Variants in LMBR1 observed in about 807,000 individuals in gnomAD.
LMBR1 encodes limb region 1 protein homolog.
LMBR1 carries 52 observed loss-of-function variants against 73.9 expected under a neutral mutation model. The ratio of observed to expected loss-of-function variants is 0.70; its 90% CI spans 0.56 to 0.89. The LOEUF is 0.89. Among genes scored for constraint, LMBR1 ranks in the 40% least tolerant of loss-of-function variants. The pLI is 0.00. For synonymous variants in LMBR1, 215 were observed against 209.4 expected (o/e 1.03, Z -0.23); for missense variants, 539 against 579.8 (o/e 0.93, Z 0.72).
intron 15 of LMBR1, among the ~76,000 whole-genome samples, chr7:156,709,116 G>A (rs1335327150): frequency 6.6e-6 from 1 of 152,092 alleles, no homozygotes; most frequent in African/African-American, 2.4e-5. Flanking sequence ...ATAAAGTCTA[G>A]GGAGCTTTAT....
chr7:156,711,852 A>T (rs1236226090), intron 15 of LMBR1, among the ~76,000 whole-genome samples: 1 of 152,198 alleles, frequency 6.6e-6, no homozygotes, highest in Non-Finnish European at 1.5e-5. Context: ...AAATCAACTC[A>T]AGATGGATTA....
chr7:156,836,873 G>T lies in LMBR1; in HGVS notation c.79C>A (p.Leu27Ile). Residue 27 changes from leucine (L) to isoleucine (I), a missense_variant, in exon 2 of 17, where the codon CTT (leucine) becomes ATT (isoleucine). Physicochemically the swap from Leu to Ile is conservative, Grantham distance 5. Coordinates refer to ENST00000353442, the MANE Select transcript of LMBR1 (RefSeq NM_022458.4). ...QVRESTICFL[L>I]FAILYVVSYF... The stretch of plus-strand genomic sequence containing the variant: ...GAAACAACGTAGAGAATGGCAAAAA[G>T]AAGGAAACATATCTGAAACAAAACG... 1 of 1,574,578 alleles carries T rather than the reference G, an allele frequency of 6.4e-7. No homozygotes were observed. The highest frequency in any genetic ancestry group is 8.7e-7 in the Non-Finnish European group (1 of 1,155,990).
At chr7:156,884,694 G>A (rs1395670613) in intron 1 of LMBR1, among the ~76,000 whole-genome samples, 1 of 152,100 alleles carries the variant, frequency 6.6e-6, no homozygotes, top group Non-Finnish European at 1.5e-5. Context: ...ACTGAAATAT[G>A]CAATAAGCCC....
chr7:156,697,844 C>A (rs1169110619), intron 15 of LMBR1, among the ~76,000 whole-genome samples: 1 of 152,170 alleles, frequency 6.6e-6, no homozygotes, highest in African/African-American at 2.4e-5. Context: ...CATACATCGT[C>A]TGCTTATGAA....
intron 1 of LMBR1, among the ~76,000 whole-genome samples, chr7:156,844,099 TG>T (rs1338190370): frequency 1.3e-5 from 2 of 151,974 alleles, no homozygotes; most frequent in African/African-American, 4.8e-5. Context: ...CCGAGGTGGG[TG>T]GATCACCTGA....
chr7:156,788,020 T>G (rs1182498463), intron 5 of LMBR1, among the ~76,000 whole-genome samples: 3 of 152,242 alleles, frequency 2.0e-5, no homozygotes, highest in Non-Finnish European at 2.9e-5. Flanking sequence ...GTAATCCACC[T>G]GCCTTGGCCT....
chr7:156,805,857 A>G (rs1350592211), intron 4 of LMBR1, among the ~76,000 whole-genome samples: 1 of 152,184 alleles, frequency 6.6e-6, no homozygotes, highest in Non-Finnish European at 1.5e-5. Context: ...CAAGAGGGCA[A>G]TCCTCATGAT....
At chr7:156,892,856 G>C in intron 1 of LMBR1, 72 bp downstream of exon 1, 2 of 1,232,634 alleles carry the variant, frequency 1.6e-6, no homozygotes, top group East Asian at 3.2e-5. Flanking sequence ...CGGGGACCGG[G>C]GGCCCGGGGG....
At chr7:156,847,879 C>T (rs990920365) in intron 1 of LMBR1, among the ~76,000 whole-genome samples, 2 of 152,134 alleles carry the variant, frequency 1.3e-5, no homozygotes, top group Non-Finnish European at 2.9e-5. Context: ...ACTAAAAACA[C>T]TCTTACCATA....
In LMBR1 at chr7:156,698,366, G is replaced by T. The variant is rs529675011; in HGVS notation, c.1226-10175C>A. On this transcript the variant is annotated intron_variant, in intron 15 of 16. Transcript: ENST00000353442. Reference sequence around the variant, plus strand: ...TCTTCTCACAGCTCCACTAGGCAGTGCCCCAGTAGGGACTCCGTGTGGGGG... The same window carrying T: ...TCTTCTCACAGCTCCACTAGGCAGTTCCCCAGTAGGGACTCCGTGTGGGGG... 5.9e-5 allele frequency among the ~76,000 whole-genome samples: 9 copies of T among 152,338 alleles called. No individual in the cohort carries two copies. In the East Asian group the frequency reaches 1.7e-3, roughly 29 times the overall value.
downstream of LMBR1, among the ~76,000 whole-genome samples, chr7:156,673,371 T>C (rs1803016058): frequency 6.6e-6 from 1 of 152,228 alleles, no homozygotes; most frequent in South Asian, 2.1e-4. Context: ...TTTTACAATG[T>C]ATAGAGAACT....
chr7:156,834,803 T>G (rs1837310414), intron 2 of LMBR1, among the ~76,000 whole-genome samples: 1 of 152,118 alleles, frequency 6.6e-6, no homozygotes, highest in South Asian at 2.1e-4. Flanking sequence ...CAATCTCTTT[T>G]GTCCTCCCAC....
chr7:156,680,376 C>CAGAGAGAGAGAGAGAGAG lies in LMBR1; in HGVS notation c.*3684_*3701dup, dbSNP rs376130225. ...TTTTTGCTTATACGTATCTGAGAGA[C>CAGAGAGAGAGAGAGAGAG]AGAGAGAGAGAGAGAGAGAGAGAGA... On this transcript the variant is annotated 3_prime_UTR_variant, in exon 17 of 17. Coordinates refer to ENST00000353442, the MANE Select transcript of LMBR1 (RefSeq NM_022458.4). The CAGAGAGAGAGAGAGAGAG allele has an allele frequency of 3.5e-5, 5 of 141,166 alleles. No individual in the cohort carries two copies. The highest frequency in any genetic ancestry group is 7.5e-5 in the Non-Finnish European group (5 of 66,254). The allele number at this position is 141,166 out of a possible 1,614,324, so 8.7% of individuals were successfully genotyped here. A position where few individuals can be genotyped will look rare whatever the true frequency, so the allele number is the denominator to read the frequency against.
downstream of LMBR1, among the ~76,000 whole-genome samples, chr7:156,674,073 G>A (rs576540841): frequency 3.3e-5 from 5 of 152,140 alleles, no homozygotes; most frequent in Admixed American, 6.5e-5. Context: ...GCTTCAAGCC[G>A]GATTCCATGA....
Position 156,833,573 on chromosome 7 carries a change from T to A in LMBR1, c.179+180A>T. Reference sequence around the variant, plus strand: ...AGCTCCTTAAATATGCAAATTCCAATAGGAGATTGGATTATCCACACATAT... The same window carrying A: ...AGCTCCTTAAATATGCAAATTCCAAAAGGAGATTGGATTATCCACACATAT... On this transcript the variant is annotated intron_variant, in intron 3 of 16. Coordinates refer to ENST00000353442, the MANE Select transcript of LMBR1 (RefSeq NM_022458.4). The A allele has an allele frequency of 1.3e-5, 4 of 303,738 alleles. No homozygotes were observed. The Admixed American group carries it at 2.4e-4, about 18-fold the overall frequency. 18.8% of individuals were successfully genotyped at this position (303,738 alleles called of 1,614,324 possible).
At chr7:156,821,516 C>T (rs1228556995) in intron 4 of LMBR1, among the ~76,000 whole-genome samples, 1 of 152,158 alleles carries the variant, frequency 6.6e-6, no homozygotes, top group African/African-American at 2.4e-5. Flanking sequence ...AGAGAAATAG[C>T]CAAATGTGTG....
intron 15 of LMBR1, among the ~76,000 whole-genome samples, chr7:156,707,259 AG>A (rs1327216450): frequency 2.6e-5 from 4 of 152,164 alleles, no homozygotes; most frequent in African/African-American, 9.7e-5. Context: ...CTCTCAACAA[AG>A]AAAAGCCCAG....
chr7:156,673,239 G>T (rs1044516017), downstream of LMBR1, among the ~76,000 whole-genome samples: 1 of 152,184 alleles, frequency 6.6e-6, no homozygotes, highest in East Asian at 1.9e-4. Flanking sequence ...TTTGAAGGAA[G>T]AAAAGATCTT....
At position 156,682,941 on chromosome 7, in the gene LMBR1, C is replaced by T. The variant is rs1805329627; in HGVS notation, c.*1137G>A. 1 of 152,180 alleles carries T rather than the reference C, an allele frequency of 6.6e-6. No individual in the cohort carries two copies. Among genetic ancestry groups the T allele is most frequent in the Non-Finnish European group, 1.5e-5 (1 of 68,012 alleles). The allele number at this position is 152,180 out of a possible 1,614,324, so 9.4% of individuals were successfully genotyped here. A position where few individuals can be genotyped will look rare whatever the true frequency, so the allele number is the denominator to read the frequency against. On this transcript the variant is annotated 3_prime_UTR_variant, in exon 17 of 17. Transcript: ENST00000353442. ...CCTAGTGGATGGTTGACACAGAGTG[C>T]AATTTCATAGTTTTTATTCAGTGGA...
Sources: allele counts gnomAD v4.1 joint callset (sites outside exome capture counted in the v4.1 genomes callset), GRCh38; gene constraint gnomAD v4.1.1; transcripts MANE v1.5; gene names NCBI Gene and HGNC (gene_info 2026-07-23, HGNC 2026-07-21).